PTPRD: variants seen among roughly 807,000 people sequenced by gnomAD.
PTPRD encodes the protein protein tyrosine phosphatase receptor type D.
In PTPRD, 34 loss-of-function variants were observed where a neutral mutation model predicts 214.5. That is an observed-to-expected ratio of 0.16 (90% confidence interval 0.12 to 0.21). PTPRD has a LOEUF of 0.21. Among genes scored for constraint, PTPRD ranks in the 10% least tolerant of loss-of-function variants. The pLI, the probability that PTPRD is intolerant of heterozygous loss-of-function variation, is 1.00. For synonymous variants in PTPRD, 1,128 were observed against 845.7 expected, an observed-to-expected ratio of 1.33 and a Z score of -5.79; for missense variants, 2,545 against 2,398.7, an observed-to-expected ratio of 1.06 and a Z score of -1.27.
At chr9:10,237,470 G>T (rs2099632846) in intron 3 of PTPRD, among the ~76,000 whole-genome samples, 2 of 151,896 alleles carry the variant, frequency 1.3e-5, no homozygotes, top group African/African-American at 4.8e-5. Context: ...TACCAATAGG[G>T]AGAAGGAAGA....
intron 2 of PTPRD, among the ~76,000 whole-genome samples, chr9:10,511,751 G>A (rs2048118591): frequency 6.7e-6 from 1 of 150,156 alleles, no homozygotes; most frequent in Non-Finnish European, 1.5e-5. Context: ...TTCTATAGTT[G>A]TGTAATGGCA....
chr9:8,650,832 T>C (rs1252112860), intron 12 of PTPRD, among the ~76,000 whole-genome samples: 1 of 152,162 alleles, frequency 6.6e-6, no homozygotes, highest in Non-Finnish European at 1.5e-5. Flanking sequence ...ATTTTAGGTA[T>C]GTGTCTATGT....
At chr9:9,569,741 C>T (rs562846141) in intron 8 of PTPRD, among the ~76,000 whole-genome samples, 5 of 151,370 alleles carry the variant, frequency 3.3e-5, no homozygotes, top group African/African-American at 9.7e-5. Context: ...CCTGACATGT[C>T]GGGAACGGGG....
At chr9:10,380,570 C>T (rs1050594121) in intron 2 of PTPRD, among the ~76,000 whole-genome samples, 2 of 152,018 alleles carry the variant, frequency 1.3e-5, no homozygotes, top group Admixed American at 6.6e-5. Flanking sequence ...AAAGTGCCAT[C>T]ATGTGTCCCA....
chr9:8,446,069 CCA>C (rs1369421897), intron 34 of PTPRD, among the ~76,000 whole-genome samples: 1 of 152,206 alleles, frequency 6.6e-6, no homozygotes, highest in Non-Finnish European at 1.5e-5. Flanking sequence ...ATGTTCCTCT[CCA>C]CACTCTCCAA....
chr9:9,324,146 A>G (rs1359236308), intron 9 of PTPRD, among the ~76,000 whole-genome samples: 1 of 152,142 alleles, frequency 6.6e-6, no homozygotes. Flanking sequence ...GTTGCAATAA[A>G]CATACGTGTG....
chr9:9,337,054 A>T (rs750037024), intron 9 of PTPRD, among the ~76,000 whole-genome samples: 3 of 152,160 alleles, frequency 2.0e-5, no homozygotes, highest in Admixed American at 6.6e-5. Context: ...TTTTCTACAC[A>T]TAACAGAGTG....
At chr9:9,664,424 C>A (rs2096676483) in intron 7 of PTPRD, among the ~76,000 whole-genome samples, 1 of 151,578 alleles carries the variant, frequency 6.6e-6, no homozygotes, top group Non-Finnish European at 1.5e-5. Context: ...ATGAACTATG[C>A]TAGAATTCAA....
chr9:8,435,988 T>G (rs2132486669), intron 35 of PTPRD, among the ~76,000 whole-genome samples: 1 of 152,376 alleles, frequency 6.6e-6, no homozygotes, highest in African/African-American at 2.4e-5. Flanking sequence ...ATGTACTTAA[T>G]CTTCGTAATC....
At chr9:8,913,617 T>C (rs1459930379) in intron 11 of PTPRD, among the ~76,000 whole-genome samples, 1 of 152,126 alleles carries the variant, frequency 6.6e-6, no homozygotes, top group African/African-American at 2.4e-5. Flanking sequence ...CTGACCTAAA[T>C]TTAGGAATGC....
At chr9:9,379,957 A>G (rs1036022458) in intron 9 of PTPRD, among the ~76,000 whole-genome samples, 4 of 152,094 alleles carry the variant, frequency 2.6e-5, no homozygotes, top group South Asian at 4.1e-4. Flanking sequence ...ATAGAAAATC[A>G]TCTTATTTGC....
intron 9 of PTPRD, among the ~76,000 whole-genome samples, chr9:9,246,889 C>T (rs1478788738): frequency 1.3e-5 from 2 of 151,944 alleles, no homozygotes; most frequent in Non-Finnish European, 2.9e-5. Flanking sequence ...GGCACTTTGG[C>T]ATGCTGAGTA....
intron 2 of PTPRD, among the ~76,000 whole-genome samples, chr9:10,595,781 G>A (rs192777436): frequency 1.3e-5 from 2 of 151,472 alleles, no homozygotes; most frequent in Non-Finnish European, 3.0e-5. Flanking sequence ...TTACTAGTGG[G>A]GGGAAAGAAG....
intron 35 of PTPRD, among the ~76,000 whole-genome samples, chr9:8,408,087 C>A (rs2093179763): frequency 6.6e-6 from 1 of 152,298 alleles, no homozygotes; most frequent in South Asian, 2.1e-4. Context: ...CCTCTCTGTT[C>A]TCAGGCTTCT....
chr9:10,337,126 T>G (rs527809980), intron 3 of PTPRD, among the ~76,000 whole-genome samples: 12 of 151,902 alleles, frequency 7.9e-5, no homozygotes, highest in African/African-American at 2.4e-4. Context: ...TTTTCAACTT[T>G]ATAGTTCTAA....
chr9:9,838,728 C>G (rs144877823), intron 5 of PTPRD, among the ~76,000 whole-genome samples: 204 of 152,274 alleles, frequency 1.3e-3, no homozygotes, highest in African/African-American at 4.8e-3. Context: ...CCTGTTCACT[C>G]TGATGGTAGT....
chr9:10,450,286 A>C (rs1214171125), intron 2 of PTPRD, among the ~76,000 whole-genome samples: 1 of 151,402 alleles, frequency 6.6e-6, no homozygotes, highest in Non-Finnish European at 1.5e-5. Flanking sequence ...AAAAATAAAA[A>C]ACAAAAAAAG....
chr9:8,719,528 G>A (rs1597891049), intron 12 of PTPRD, among the ~76,000 whole-genome samples: 2 of 152,194 alleles, frequency 1.3e-5, no homozygotes, highest in Admixed American at 1.3e-4. Flanking sequence ...GGAGTTGCAG[G>A]TGAGTAAGGT....
chr9:9,699,054 T>C (rs2097438536), intron 7 of PTPRD, among the ~76,000 whole-genome samples: 1 of 152,196 alleles, frequency 6.6e-6, no homozygotes. Context: ...ATCCTTCTTC[T>C]ACTCATGTTT....
Sources: allele counts gnomAD v4.1 joint callset (sites outside exome capture counted in the v4.1 genomes callset), GRCh38; gene constraint gnomAD v4.1.1; transcripts MANE v1.5; gene names NCBI Gene and HGNC (gene_info 2026-07-23, HGNC 2026-07-21).